FOXP2: variants seen among roughly 807,000 people sequenced by gnomAD.
FOXP2 encodes the protein forkhead box P2, also known as forkhead box protein P2.
A neutral mutation model predicts 115.8 loss-of-function variants in FOXP2; 12 were observed. The observed-to-expected ratio is 0.10, with a 90% CI of 0.07 to 0.17. FOXP2 has a LOEUF of 0.17. Ranked by LOEUF, FOXP2 falls within the 10% of genes least tolerant of loss-of-function variation. The pLI is 1.00. For missense variants in FOXP2, 629 were observed against 843.5 expected (o/e 0.75, Z 3.15); for synonymous variants, 328 against 297.7 (o/e 1.10, Z -1.05).
intron 1 of FOXP2, among the ~76,000 whole-genome samples, chr7:114,237,564 GTGCTCAGGCC>G: frequency 6.6e-6 from 1 of 152,050 alleles, no homozygotes; most frequent in East Asian, 1.9e-4. Context: ...CTTGAACCAC[GTGCTCAGGCC>G]TGCTCCCACA....
At chr7:114,402,686 A>G (rs1179962475) in intron 2 of FOXP2, among the ~76,000 whole-genome samples, 1 of 150,552 alleles carries the variant, frequency 6.6e-6, no homozygotes, top group East Asian at 1.9e-4. Context: ...GAGTGCAGTG[A>G]CACCATCATA....
chr7:114,657,183 G>A (rs1404969120), intron 10 of FOXP2, among the ~76,000 whole-genome samples: 1 of 152,162 alleles, frequency 6.6e-6, no homozygotes, highest in East Asian at 1.9e-4. Context: ...AAATATGACA[G>A]AGGTGATATG....
rs1795979303 is a variant in FOXP2, at chr7:114,269,360, A to G, written c.-101-18659A>G. Among the ~76,000 whole-genome samples the G allele has an allele frequency of 2.0e-5, 3 of 152,228 alleles. No individual in the cohort carries two copies. In the South Asian group the frequency reaches 6.2e-4, roughly 31 times the overall value. On this transcript the variant is annotated intron_variant, in intron 1 of 17. Coordinates refer to the FOXP2 transcript ENST00000634411. ...GAAAACTAAAAATTCTAAATGAAAA[A>G]GTGAAAGTGGTAGTTTAAGGAGCTC...
At chr7:114,237,110 A>G (rs1044015193) in intron 1 of FOXP2, among the ~76,000 whole-genome samples, 1 of 152,176 alleles carries the variant, frequency 6.6e-6, no homozygotes, top group Non-Finnish European at 1.5e-5. Flanking sequence ...CTGTGTTTCT[A>G]CAAGAAAGTT....
chr7:114,110,046 G>C (rs1791223820), intron 1 of FOXP2, among the ~76,000 whole-genome samples: 1 of 152,090 alleles, frequency 6.6e-6, no homozygotes, highest in South Asian at 2.1e-4. Flanking sequence ...TCCACATTTT[G>C]TCTCCCCTAG....
chr7:114,567,017 G>T (rs1049359350), intron 3 of FOXP2, among the ~76,000 whole-genome samples: 2 of 151,784 alleles, frequency 1.3e-5, no homozygotes, highest in Non-Finnish European at 2.9e-5. Flanking sequence ...TGCTGCACCA[G>T]GTTTCTAAAA....
intron 2 of FOXP2, among the ~76,000 whole-genome samples, chr7:114,385,821 A>AGCCACTTCCAAGATGGTGGCGG (rs1464779671): frequency 5.3e-5 from 8 of 151,952 alleles, no homozygotes; most frequent in African/African-American, 1.9e-4. Context: ...GATGGTGGCG[A>AGCCACTTCCAAGATGGTGGCGG]GCCACTTCCA....
intron 2 of FOXP2, among the ~76,000 whole-genome samples, chr7:114,315,823 T>C (rs895117734): frequency 4.6e-5 from 7 of 152,180 alleles, no homozygotes; most frequent in African/African-American, 1.4e-4. Flanking sequence ...GTGTTACGTG[T>C]ATTTCTGTTT....
intron 16 of FOXP2, among the ~76,000 whole-genome samples, chr7:114,684,674 T>C (rs1044207937): frequency 6.6e-6 from 1 of 152,210 alleles, no homozygotes; most frequent in Non-Finnish European, 1.5e-5. Context: ...CTCTAAAATG[T>C]TCTGAATCCC....
chr7:114,521,548 A>AG (rs1425582153), intron 2 of FOXP2, among the ~76,000 whole-genome samples: 1 of 151,366 alleles, frequency 6.6e-6, no homozygotes, highest in Non-Finnish European at 1.5e-5. Flanking sequence ...AAAAAAAAAA[A>AG]AAAAAGGGTA....
chr7:114,602,323 GTTATATTTATTACTACC>G (rs1803075175), intron 3 of FOXP2, among the ~76,000 whole-genome samples: 2 of 151,970 alleles, frequency 1.3e-5, no homozygotes, highest in South Asian at 4.1e-4. Flanking sequence ...CTGCTTCCAA[GTTATATTTATTACTACC>G]TTTTTACTCT....
chr7:114,100,814 C>A (rs569182095), intron 1 of FOXP2, among the ~76,000 whole-genome samples: 2 of 152,258 alleles, frequency 1.3e-5, no homozygotes, highest in South Asian at 4.1e-4. Context: ...GAGCAGTTAG[C>A]TTAAGCAGGC....
At chr7:114,168,074 G>A (rs533466453) in intron 1 of FOXP2, among the ~76,000 whole-genome samples, 113 of 152,264 alleles carry the variant, frequency 7.4e-4, no homozygotes, top group African/African-American at 2.6e-3. Flanking sequence ...GGAACTGTGA[G>A]TTTATTAAAC....
intron 1 of FOXP2, among the ~76,000 whole-genome samples, chr7:114,246,966 T>C (rs1795300358): frequency 6.6e-6 from 1 of 152,178 alleles, no homozygotes; most frequent in South Asian, 2.1e-4. Flanking sequence ...GGACTATATT[T>C]TAATATTTCA....
Position 114,677,095 on chromosome 7 carries a change from G to A in FOXP2, c.2003+12659G>A, listed in dbSNP as rs561746553. On this transcript the variant is annotated intron_variant, in intron 16 of 16. Transcript: ENST00000350908. ...GCAGGAGAATCGCTTGAACCCTGGA[G>A]GCGGAGGTTGCAGTGAGCCAAGATC... 1.1e-3 allele frequency among the ~76,000 whole-genome samples: 164 copies of A among 151,806 alleles called. 1 individual carries two copies. Among genetic ancestry groups the A allele is most frequent in the Non-Finnish European group, 2.1e-3 (140 of 67,914 alleles).
intron 2 of FOXP2, among the ~76,000 whole-genome samples, chr7:114,440,363 C>A (rs1794546930): frequency 6.6e-6 from 1 of 151,990 alleles, no homozygotes; most frequent in African/African-American, 2.4e-5. Flanking sequence ...CAAATATATC[C>A]CCCTTTTTGG....
Position 114,467,564 on chromosome 7 carries a change from A to G in FOXP2, c.168+40885A>G, listed in dbSNP as rs78166092. Reference sequence around the variant, plus strand: ...CAACTATTGCAACTGTGAAGAGTTAATCTCTCACTTATACCTCCTTACTTC... The same window carrying G: ...CAACTATTGCAACTGTGAAGAGTTAGTCTCTCACTTATACCTCCTTACTTC... On this transcript the variant is annotated intron_variant, in intron 2 of 16. Coordinates refer to ENST00000350908, the MANE Select transcript of FOXP2 (RefSeq NM_014491.4). 7.2e-3 allele frequency among the ~76,000 whole-genome samples: 1,095 copies of G among 152,268 alleles called. 15 individuals are homozygous for G. Among genetic ancestry groups the G allele is most frequent in the African/African-American group, 0.025 (1,029 of 41,560 alleles).
At chr7:114,544,373 A>G (rs1799819814) in intron 3 of FOXP2, among the ~76,000 whole-genome samples, 1 of 152,214 alleles carries the variant, frequency 6.6e-6, no homozygotes, top group South Asian at 2.1e-4. Context: ...AATCACATCA[A>G]GCTGTGGCTA....
intron 1 of FOXP2, among the ~76,000 whole-genome samples, chr7:114,206,740 A>G (rs2129160838): frequency 6.6e-6 from 1 of 152,340 alleles, no homozygotes; most frequent in African/African-American, 2.4e-5. Flanking sequence ...TTGTTACTAA[A>G]TGAAGGTTTT....
Sources: allele counts gnomAD v4.1 joint callset (sites outside exome capture counted in the v4.1 genomes callset), GRCh38; gene constraint gnomAD v4.1.1; transcripts MANE v1.5; gene names NCBI Gene and HGNC (gene_info 2026-07-23, HGNC 2026-07-21).